The following APOL3 variants were observed in gnomAD, a reference collection of about 807,000 sequenced individuals.
APOL3 encodes apolipoprotein L3.
In APOL3, 14 loss-of-function variants were observed where a neutral mutation model predicts 11.6. The ratio of observed to expected loss-of-function variants is 1.21; its 90% CI spans 0.80 to 1.89. The LOEUF (loss-of-function observed/expected upper bound fraction) is 1.89. APOL3 is among the 40% of genes most tolerant of loss of function. The pLI, the probability that APOL3 is intolerant of heterozygous loss-of-function variation, is 0.00. For missense variants in APOL3, 483 were observed against 492.1 expected, an observed-to-expected ratio of 0.98 and a Z score of 0.17; for synonymous variants, 192 against 190.6, an observed-to-expected ratio of 1.01 and a Z score of -0.06.
At chr22:36,141,730 C>T in exon 3 of APOL3, 1 of 1,614,070 alleles carries the variant, frequency 6.2e-7, no homozygotes, top group Non-Finnish European at 8.5e-7. Context: ...GACGCTGCTC[C>T]CAGCCCTACC....
At chr22:36,145,658 T>A (rs953610305) in intron 1 of APOL3, 59 bp from the exon 3 acceptor site, 316 of 1,596,914 alleles carry the variant, frequency 2.0e-4, no homozygotes, top group Non-Finnish European at 2.6e-4. Context: ...TAAATGGCAT[T>A]GAGAATAAGG....
chr22:36,161,982 G>A (rs1314373828), upstream of APOL3, among the ~76,000 whole-genome samples: 2 of 152,110 alleles, frequency 1.3e-5, no homozygotes, highest in Non-Finnish European at 2.9e-5. Context: ...CCCAGCACCA[G>A]GGAGTGATGG....
intron 1 of APOL3, among the ~76,000 whole-genome samples, chr22:36,150,531 C>A (rs1013487846): frequency 2.6e-5 from 4 of 152,208 alleles, no homozygotes; most frequent in Admixed American, 2.6e-4. Flanking sequence ...CCCAACCAGA[C>A]GGACTCAAGA....
At chr22:36,158,047 C>T (rs943649820) in intron 1 of APOL3, among the ~76,000 whole-genome samples, 22 of 150,872 alleles carry the variant, frequency 1.5e-4, no homozygotes, top group African/African-American at 5.2e-4. Flanking sequence ...CAGACTCCAT[C>T]TCATAAATAA....
At chr22:36,141,282 C>T in exon 3 of APOL3, 1 of 1,614,206 alleles carries the variant, frequency 6.2e-7, no homozygotes, top group Non-Finnish European at 8.5e-7. Context: ...AGCCTGCCGC[C>T]TCAGCTCCTC....
chr22:36,160,951 G>A (rs981950099), upstream of APOL3: 11 of 1,524,630 alleles, frequency 7.2e-6, no homozygotes, highest in Middle Eastern at 2.0e-4. Context: ...AGCCCCAGAC[G>A]TCCTTCTTGG....
intron 1 of APOL3, chr22:36,156,649 AC>A (rs1015612054): frequency 2.3e-5 from 5 of 217,184 alleles, no homozygotes; most frequent in African/African-American, 9.0e-5. Context: ...TGTGCAAGTC[AC>A]CCATCCTCAG....
intron 1 of APOL3, among the ~76,000 whole-genome samples, chr22:36,157,790 C>T (rs2013135424): frequency 6.6e-6 from 1 of 152,194 alleles, no homozygotes; most frequent in African/African-American, 2.4e-5. Context: ...TGGCTCATAC[C>T]TGTAATCCCA....
At chr22:36,148,191 C>T (rs73883830) in intron 1 of APOL3, among the ~76,000 whole-genome samples, 9,045 of 152,266 alleles carry the variant, frequency 0.059, 742 homozygotes, top group African/African-American at 0.18. Context: ...TCGATTGGAC[C>T]TCAGATTTTT....
chr22:36,145,437 CG>C, intron 2 of APOL3, 35 bp downstream of exon 3: 1 of 1,609,518 alleles, frequency 6.2e-7, no homozygotes. Flanking sequence ...ATGGCATAGC[CG>C]GGGCGCCCCA....
At chr22:36,149,504 G>A in intron 1 of APOL3, 1 of 739,246 alleles carries the variant, frequency 1.4e-6, no homozygotes, top group Non-Finnish European at 2.0e-6. Flanking sequence ...GGCAACATGT[G>A]TGATAACTAA....
chr22:36,161,043 G>A (rs142253599), upstream of APOL3: 8 of 671,312 alleles, frequency 1.2e-5, no homozygotes, highest in African/African-American at 1.1e-4. Context: ...AAGACTATGA[G>A]ACCCTCCAGA....
intron 1 of APOL3, among the ~76,000 whole-genome samples, chr22:36,153,950 G>A (rs745382678): frequency 1.9e-4 from 29 of 152,340 alleles, no homozygotes; most frequent in African/African-American, 6.0e-4. Flanking sequence ...AAATTGAAAC[G>A]TTTTCTGGTT....
chr22:36,144,245 C>T (rs192371471), intron 2 of APOL3, among the ~76,000 whole-genome samples: 152 of 152,240 alleles, frequency 1.0e-3, no homozygotes, highest in Middle Eastern at 3.4e-3. Context: ...CTCTTCTCAC[C>T]CTACTCCCAG....
chr22:36,152,953 A>C (rs1044464139), intron 1 of APOL3, among the ~76,000 whole-genome samples: 3 of 152,182 alleles, frequency 2.0e-5, no homozygotes, highest in Non-Finnish European at 4.4e-5. Flanking sequence ...TACTAAAAAA[A>C]TGAAAAAATT....
At chr22:36,146,690 C>T (rs1310314593) in intron 1 of APOL3, among the ~76,000 whole-genome samples, 1 of 152,060 alleles carries the variant, frequency 6.6e-6, no homozygotes, top group Admixed American at 6.5e-5. Context: ...TGACCACTCC[C>T]ACACTGGTCA....
chr22:36,153,216 AC>A (rs2012102200), intron 1 of APOL3: 1 of 329,112 alleles, frequency 3.0e-6, no homozygotes, highest in Non-Finnish European at 6.1e-6. Context: ...AACCGTATAC[AC>A]TTATTAATTG....
upstream of APOL3, among the ~76,000 whole-genome samples, chr22:36,163,926 C>T (rs992765488): frequency 1.3e-5 from 2 of 152,176 alleles, no homozygotes; most frequent in African/African-American, 4.8e-5. Flanking sequence ...ACTGACTTTC[C>T]CTAGTGCCTT....
At chr22:36,150,470 G>A (rs1299110967) in intron 1 of APOL3, among the ~76,000 whole-genome samples, 2 of 152,154 alleles carry the variant, frequency 1.3e-5, no homozygotes, top group African/African-American at 4.8e-5. Context: ...CAGATGTTCA[G>A]CGACTTGCCC....
Sources: allele counts gnomAD v4.1 joint callset (sites outside exome capture counted in the v4.1 genomes callset), GRCh38; gene constraint gnomAD v4.1.1; transcripts MANE v1.5; gene names NCBI Gene and HGNC (gene_info 2026-07-23, HGNC 2026-07-21).